Variants in ZDHHC11B observed in about 807,000 individuals in gnomAD.
ZDHHC11B encodes the protein probable palmitoyltransferase ZDHHC11B.
In ZDHHC11B, 17 loss-of-function variants were observed where a neutral mutation model predicts 42.3. The observed-to-expected ratio is 0.40, with a 90% CI of 0.27 to 0.60. ZDHHC11B has a LOEUF of 0.60. ZDHHC11B is among the 20% of genes least tolerant of loss of function. ZDHHC11B has a pLI of 0.41. For synonymous variants in ZDHHC11B, 123 were observed against 193.5 expected (o/e 0.64, Z 3.02); for missense variants, 262 against 463.2 (o/e 0.57, Z 3.99).
chr5:729,549 AGT>A (rs33925921), intron 12 of ZDHHC11B, among the ~76,000 whole-genome samples: 2 of 147,572 alleles, frequency 1.4e-5, no homozygotes, highest in Admixed American at 6.8e-5. Flanking sequence ...ACTGTGTGCG[AGT>A]GTGTGTGTGT....
chr5:718,986 A>G lies in ZDHHC11B; in HGVS notation c.1059-2121T>C, dbSNP rs1380841755. On this transcript the variant is annotated intron_variant, in intron 12 of 13. Transcript: ENST00000508859. ...GCAGCAGTGGCTTCCTCCAGCAGCA[A>G]CCATTGGAAGATTTAGAGAGACACA... 2.2e-4 allele frequency among the ~76,000 whole-genome samples: 33 copies of G among 151,876 alleles called. 4 individuals carry two copies. The highest frequency in any genetic ancestry group is 8.0e-4 in the African/African-American group (33 of 41,200).
chr5:743,120 T>C (rs1422887437), intron 9 of ZDHHC11B, among the ~76,000 whole-genome samples: 1 of 149,322 alleles, frequency 6.7e-6, no homozygotes. Context: ...TGCTGAACTA[T>C]AATTTCTCCC....
rs532035349 is a variant in ZDHHC11B, at chr5:751,075, C to T, written c.628+58G>A. On this transcript the variant is annotated intron_variant, in intron 7 of 13. Transcript: ENST00000508859. ...CCGACCACCCCAGACCCGATACTAC[C>T]GCCCGGAAAGACGGCTGGAGGCGAG... is the stretch of plus-strand genomic sequence containing the variant. 2.2e-4 allele frequency: 195 copies of T among 871,446 alleles called. 44 individuals carry two copies. Among genetic ancestry groups the T allele is most frequent in the Admixed American group, 1.8e-3 (41 of 23,210 alleles). 54.0% of individuals were successfully genotyped at this position (871,446 alleles called of 1,614,324 possible). A position where few individuals can be genotyped will look rare whatever the true frequency, so the allele number is the denominator to read the frequency against.
chr5:752,073 G>C lies in ZDHHC11B; in HGVS notation c.504-816C>G, dbSNP rs1275740932. 2.4e-5 allele frequency among the ~76,000 whole-genome samples: 3 copies of C among 125,106 alleles called. 1 individual carries two copies. Among genetic ancestry groups the C allele is most frequent in the Admixed American group, 9.3e-5 (1 of 10,722 alleles). The allele number at this position is 125,106 out of a possible 152,430, so 82.1% of individuals were successfully genotyped here. A position where few individuals can be genotyped will look rare whatever the true frequency, so the allele number is the denominator to read the frequency against. ...CTCCCTACCAGCCAAGGAGCACGCA[G>C]GCTGGGTCCCCTCAGGGGGCCCTGA... On this transcript the variant is annotated intron_variant, in intron 6 of 13. Transcript: ENST00000508859.
chr5:748,676 G>A, intron 7 of ZDHHC11B, 117 bp from the exon 8 acceptor site: 2 of 1,132,668 alleles, frequency 1.8e-6, no homozygotes, highest in African/African-American at 1.4e-5. Flanking sequence ...GCCAGCACGA[G>A]GGATGCCTCC....
rs542419224 is a variant in ZDHHC11B at position 766,909 on chromosome 5, C to A, written c.11G>T (p.Arg4Leu). The A allele has an allele frequency of 1.5e-5, 24 of 1,612,050 alleles. No individual in the cohort carries two copies. The East Asian group carries it at 4.9e-4, about 33-fold the overall frequency. Residue 4 changes from arginine (R) to leucine (L), a missense_variant, in exon 4 of 14, where the codon CGC becomes CTC. Around this residue, in one of 5 missense-constraint regions of ZDHHC11B, gnomAD observed 97 missense variants for 98.1 expected, o/e 0.99. Transcript: ENST00000508859. Reference sequence around the variant, plus strand: ...GGTGACGGAACACTGGCTCCCGGAGCGGGTGTCCATCTGCAGGACACAGAA... The same window carrying A: ...GGTGACGGAACACTGGCTCCCGGAGAGGGTGTCCATCTGCAGGACACAGAA... MDT[R>L]SGSQCSVTPE... is the part of the protein sequence containing the mutation.
At position 748,413 on chromosome 5, in the gene ZDHHC11B, T is replaced by A; in HGVS notation, c.775A>T (p.Ile259Phe). 7.4e-7 allele frequency: 1 copy of A among 1,355,490 alleles called. No homozygotes were observed. The highest frequency in any genetic ancestry group is 3.5e-5 in the East Asian group (1 of 28,784). 84.0% of individuals were successfully genotyped at this position (1,355,490 alleles called of 1,614,324 possible). The change falls in exon 8 of 14, where the codon ATC becomes TTC. Residue 259 changes from isoleucine (I) to phenylalanine (F), a missense_variant. By Grantham distance (21) the Ile-to-Phe change is conservative. This residue lies in a region of ZDHHC11B where 57 missense variants were observed against 103.3 expected (regional missense o/e 0.55). Coordinates refer to ENST00000508859, the MANE Select transcript of ZDHHC11B (RefSeq NM_001351303.2). ...VQLGQLLIFH[I>F]YLKAKKMTTF... ...AGGGTGGGGGACATACTCAGGTAGA[T>A]GTGGAAGATGAGCAGCTGGCCCAGC...
chr5:737,645 A>C (rs1173008495), intron 10 of ZDHHC11B, among the ~76,000 whole-genome samples: 1 of 149,770 alleles, frequency 6.7e-6, no homozygotes, highest in African/African-American at 2.5e-5. Flanking sequence ...GGAATGGTTT[A>C]ATATATGCAA....
chr5:772,561 G>A (rs1736147881), intron 1 of ZDHHC11B, among the ~76,000 whole-genome samples: 1 of 151,218 alleles, frequency 6.6e-6, no homozygotes, highest in Non-Finnish European at 1.5e-5. Flanking sequence ...TGGTGACTGG[G>A]CTTCCCAGGA....
intron 10 of ZDHHC11B, among the ~76,000 whole-genome samples, chr5:735,789 T>C (rs1348025437): frequency 2.7e-5 from 4 of 149,854 alleles, no homozygotes; most frequent in African/African-American, 9.9e-5. Context: ...CACTAACAAG[T>C]CAGTCCTACA....
chr5:733,004 C>T (rs1005130669), intron 11 of ZDHHC11B, among the ~76,000 whole-genome samples: 1 of 151,748 alleles, frequency 6.6e-6, no homozygotes, highest in Non-Finnish European at 1.5e-5. Context: ...CTGCAGTGAG[C>T]CATTATCCCA....
intron 10 of ZDHHC11B, among the ~76,000 whole-genome samples, chr5:741,170 C>T (rs1455726167): frequency 8.1e-6 from 1 of 123,878 alleles, no homozygotes; most frequent in Non-Finnish European, 1.7e-5. Context: ...GGTCAAGGCA[C>T]CCCCAGTGCT....
At chr5:739,988 G>A (rs1743988537) in intron 10 of ZDHHC11B, among the ~76,000 whole-genome samples, 1 of 152,070 alleles carries the variant, frequency 6.6e-6, no homozygotes, top group Non-Finnish European at 1.5e-5. Context: ...CAACCTGGAT[G>A]GAGTTGCAGA....
Position 710,841 on chromosome 5 carries a change from C to T in ZDHHC11B, c.*1449G>A, listed in dbSNP as rs1171402046. ...CCCATTTCCCAGTACTGTGAGCTCC[C>T]ATTTCCCAGTACTGTGAGCTCCCAT... On this transcript the variant is annotated 3_prime_UTR_variant, in exon 14 of 14. Transcript: ENST00000508859. 1 of 151,526 alleles carries T rather than the reference C, an allele frequency of 6.6e-6. No individual in the cohort carries two copies. Among genetic ancestry groups the T allele is most frequent in the Non-Finnish European group, 1.5e-5 (1 of 67,906 alleles). 9.4% of individuals were successfully genotyped at this position (151,526 alleles called of 1,614,324 possible). A position where few individuals can be genotyped will look rare whatever the true frequency, so the allele number is the denominator to read the frequency against.
intron 12 of ZDHHC11B, among the ~76,000 whole-genome samples, chr5:729,247 C>T (rs1211416081): frequency 5.3e-5 from 8 of 151,200 alleles, no homozygotes; most frequent in African/African-American, 1.9e-4. Flanking sequence ...TAATGTCGGC[C>T]GTGTCACTGG....
chr5:771,543 T>C (rs1736045625), intron 1 of ZDHHC11B, among the ~76,000 whole-genome samples: 1 of 147,930 alleles, frequency 6.8e-6, no homozygotes, highest in Non-Finnish European at 1.5e-5. Context: ...GGCAGGATCC[T>C]GGGGGTGGAA....
intron 12 of ZDHHC11B, 127 bp downstream of exon 12, chr5:730,307 T>C (rs1292188121): frequency 8.2e-7 from 1 of 1,214,626 alleles, no homozygotes; most frequent in African/African-American, 1.6e-5. Flanking sequence ...CAGTGAAGCA[T>C]TTCTACTTTC....
At chr5:748,372 G>A (rs1469641652) in intron 8 of ZDHHC11B, 32 bp downstream of exon 8, 3 of 1,186,798 alleles carry the variant, frequency 2.5e-6, no homozygotes, top group Non-Finnish European at 3.4e-6. Context: ...ACCAGGCTTG[G>A]GGGGATCGGG....
chr5:769,539 T>C (rs406407), intron 1 of ZDHHC11B, among the ~76,000 whole-genome samples: 115,009 of 151,318 alleles, frequency 0.76, 41,782 homozygotes, highest in East Asian at 0.83. Context: ...CCAGCAGGCA[T>C]GCGGGTGAGA....
Sources: allele counts gnomAD v4.1 joint callset (sites outside exome capture counted in the v4.1 genomes callset), GRCh38; gene constraint gnomAD v4.1.1; regional missense constraint gnomAD v4.1.1; transcripts MANE v1.5; gene names NCBI Gene and HGNC (gene_info 2026-07-23, HGNC 2026-07-21).